Variants in ZIM2 observed in about 807,000 individuals in gnomAD.
The protein encoded by ZIM2 is zinc finger imprinted 2, also known as zinc finger protein 656.
In ZIM2, 14 loss-of-function variants were observed where a neutral mutation model predicts 38.6. The ratio of observed to expected loss-of-function variants is 0.36; its 90% CI spans 0.24 to 0.57. The LOEUF (loss-of-function observed/expected upper bound fraction) is 0.57. Among genes scored for constraint, ZIM2 ranks in the 20% least tolerant of loss-of-function variants. The probability of loss-of-function intolerance (pLI) is 0.81; values close to 1 mark genes in which losing one functional copy is unlikely to be tolerated. For synonymous variants in ZIM2, 247 were observed against 245.8 expected (o/e 1.00, Z -0.04); for missense variants, 680 against 695.1 (o/e 0.98, Z 0.24).
At chr19:56,819,694 G>A (rs2060292931) in intron 7 of ZIM2, among the ~76,000 whole-genome samples, 1 of 152,194 alleles carries the variant, frequency 6.6e-6, no homozygotes, top group African/African-American at 2.4e-5. Context: ...GGGGAGAAGA[G>A]TATCTATCTG....
At chr19:56,832,031 GGAA>G (rs1444161362) in intron 2 of ZIM2, among the ~76,000 whole-genome samples, 1 of 151,908 alleles carries the variant, frequency 6.6e-6, no homozygotes, top group Non-Finnish European at 1.5e-5. Flanking sequence ...AAACTAAACT[GGAA>G]GAAAACTCAC....
chr19:56,817,157 T>C, intron 9 of ZIM2: 1 of 1,614,236 alleles, frequency 6.2e-7, no homozygotes, highest in Non-Finnish European at 8.5e-7. Flanking sequence ...CTCAGGCTGC[T>C]CACGCTCATG....
intron 9 of ZIM2, chr19:56,798,104 AAG>A (rs1189641864): frequency 6.6e-6 from 1 of 152,218 alleles, no homozygotes; most frequent in Non-Finnish European, 1.5e-5. Context: ...AAAAATGAAA[AAG>A]AAGTTTTTAC....
chr19:56,832,361 T>C (rs1379376339), intron 2 of ZIM2, among the ~76,000 whole-genome samples: 4 of 151,608 alleles, frequency 2.6e-5, no homozygotes, highest in African/African-American at 4.8e-5. Context: ...GTACCTCCCC[T>C]CTCCAGTGAC....
intron 6 of ZIM2, 66 bp downstream of exon 6, chr19:56,822,687 C>T (rs2060616876): frequency 6.3e-7 from 1 of 1,583,596 alleles, no homozygotes; most frequent in Non-Finnish European, 8.6e-7. Flanking sequence ...TGGCACTTTC[C>T]CCTTGAACCT....
chr19:56,809,647 C>CA (rs1411933893), intron 9 of ZIM2, among the ~76,000 whole-genome samples: 13 of 152,132 alleles, frequency 8.5e-5, no homozygotes, highest in African/African-American at 3.1e-4. Flanking sequence ...AGAGATGACC[C>CA]ACTCAGGATA....
At chr19:56,792,119 A>G (rs1568576112) in intron 9 of ZIM2, among the ~76,000 whole-genome samples, 1 of 151,062 alleles carries the variant, frequency 6.6e-6, no homozygotes, top group Non-Finnish European at 1.5e-5. Context: ...AACAAAGCTG[A>G]TACACTCAGA....
intron 2 of ZIM2, chr19:56,833,278 C>T (rs936707155): frequency 1.3e-5 from 6 of 451,112 alleles, no homozygotes; most frequent in South Asian, 6.4e-5. Flanking sequence ...CCCCCTAACT[C>T]GTTCTACCTA....
intron 2 of ZIM2, 37 bp from the exon 3 acceptor site, chr19:56,826,500 G>A (rs1379000130): frequency 1.3e-5 from 2 of 152,318 alleles, no homozygotes; most frequent in African/African-American, 4.8e-5. Context: ...CACAGACTAA[G>A]AATATGAAAG....
intron 2 of ZIM2, chr19:56,833,225 A>G: frequency 2.0e-6 from 1 of 505,630 alleles, no homozygotes; most frequent in South Asian, 1.4e-5. Flanking sequence ...TCCCATTTCT[A>G]TTTACTTACT....
intron 9 of ZIM2, chr19:56,813,478 T>C (rs1449643227): frequency 7.1e-7 from 1 of 1,398,974 alleles, no homozygotes; most frequent in African/African-American, 1.4e-5. Flanking sequence ...GACACTGACA[T>C]CTGAAGGGGA....
At chr19:56,805,111 C>T (rs921419436) in intron 9 of ZIM2, among the ~76,000 whole-genome samples, 1 of 152,150 alleles carries the variant, frequency 6.6e-6, no homozygotes. Flanking sequence ...CATTTTGGGT[C>T]GGTTCATTCT....
chr19:56,790,046 A>G lies in ZIM2; in HGVS notation c.491-95T>C, dbSNP rs2046846517. 10 of 1,021,746 alleles carry G rather than the reference A, an allele frequency of 9.8e-6. No individual in the cohort carries two copies. In the South Asian group the frequency reaches 2.3e-4, roughly 23 times the overall value. 63.3% of individuals were successfully genotyped at this position (1,021,746 alleles called of 1,614,324 possible). A position where few individuals can be genotyped will look rare whatever the true frequency, so the allele number is the denominator to read the frequency against. ...CACCCTCATGCCACCCTGTCCTGCC[A>G]TGGGAAGGAACAGCAGCTCTAGAGT... On this transcript the variant is annotated intron_variant, in intron 9 of 12. Coordinates refer to ENST00000629319, the MANE Select transcript of ZIM2 (RefSeq NM_001387356.1).
chr19:56,777,438 C>G (rs1400295857), intron 12 of ZIM2, among the ~76,000 whole-genome samples: 1 of 152,224 alleles, frequency 6.6e-6, no homozygotes, highest in Non-Finnish European at 1.5e-5. Flanking sequence ...CGGCCTCAGC[C>G]TCCATCATCT....
rs1355258402 is a variant in ZIM2, at chr19:56,813,851, T to C, written c.490+3895A>G. 2.5e-6 allele frequency: 4 copies of C among 1,614,214 alleles called. No individual in the cohort carries two copies. In the Admixed American group the frequency reaches 5.0e-5, roughly 20 times the overall value. On this transcript the variant is annotated intron_variant, in intron 9 of 12. Coordinates refer to ENST00000629319, the MANE Select transcript of ZIM2 (RefSeq NM_001387356.1). ...AAGGCATTTGCAGGCTCAAATATGA[T>C]CATGCTGGCATGAGTTTTCAGGTGT...
At chr19:56,819,225 T>G (rs2146255952) in intron 7 of ZIM2, among the ~76,000 whole-genome samples, 1 of 152,238 alleles carries the variant, frequency 6.6e-6, no homozygotes, top group African/African-American at 2.4e-5. Flanking sequence ...AGACATCTGG[T>G]CAGGATGTGA....
chr19:56,825,920 T>C (rs2060981263), intron 3 of ZIM2, among the ~76,000 whole-genome samples: 1 of 152,180 alleles, frequency 6.6e-6, no homozygotes, highest in Non-Finnish European at 1.5e-5. Context: ...TAAACTCATG[T>C]TTACTCGTCT....
At chr19:56,838,353 C>T (rs540880814) in intron 1 of ZIM2, among the ~76,000 whole-genome samples, 3 of 152,312 alleles carry the variant, frequency 2.0e-5, no homozygotes, top group East Asian at 1.9e-4. Context: ...CAATCAACCT[C>T]GGGCGCCACC....
chr19:56,822,776 G>C lies in ZIM2; in HGVS notation c.167C>G (p.Ser56Cys). The C allele has an allele frequency of 6.2e-7, 1 of 1,614,104 alleles. No individual in the cohort carries two copies. Among genetic ancestry groups the C allele is most frequent in the Non-Finnish European group, 8.5e-7 (1 of 1,180,016 alleles). ...SRDMEPRDRWSHTRNPRSRMP... is the reference protein window; with the variant it reads ...SRDMEPRDRWCHTRNPRSRMP... The stretch of plus-strand genomic sequence containing the variant: ...ACTGCTTCTTGGGTTCCTGGTGTGG[G>C]ACCAGCGGTCTCGTGGCTCCATGTC... Residue 56 changes from serine (S) to cysteine (C), a missense_variant, in exon 6 of 13, where the codon TCC becomes TGC. Coordinates refer to ENST00000629319, the MANE Select transcript of ZIM2 (RefSeq NM_001387356.1).
Sources: gnomAD v4.1 joint callset for allele counts (sites outside exome capture counted in the v4.1 genomes callset) on GRCh38, gnomAD v4.1.1 for gene constraint, MANE v1.5 for transcripts, NCBI Gene and HGNC (gene_info 2026-07-23, HGNC 2026-07-21) for gene names.